The following RCOR1 variants were observed in gnomAD, a reference collection of about 807,000 sequenced individuals.
The protein encoded by RCOR1 is REST corepressor.
In RCOR1, 12 loss-of-function variants were observed where a neutral mutation model predicts 64.0. That is an observed-to-expected ratio of 0.19 (90% CI 0.12 to 0.30). The LOEUF (loss-of-function observed/expected upper bound fraction) is 0.30. RCOR1 is among the 10% of genes least tolerant of loss of function. The probability of loss-of-function intolerance (pLI) is 1.00; values close to 1 mark genes in which losing one functional copy is unlikely to be tolerated. For missense variants in RCOR1, 502 were observed against 621.2 expected (o/e 0.81, Z 2.04); for synonymous variants, 279 against 227.2 (o/e 1.23, Z -2.05).
chr14:102,632,741 TCCCCTC>T (rs1297229601), intron 2 of RCOR1, among the ~76,000 whole-genome samples: 1 of 34,906 alleles, frequency 2.9e-5, no homozygotes, highest in Non-Finnish European at 5.0e-5. Context: ...TCCCCTCCCC[TCCCCTC>T]CCCTCCCCTC....
rs994052929 is a variant in RCOR1, at chr14:102,726,674, C to T, written c.*168C>T. 3.5e-5 allele frequency: 21 copies of T among 603,534 alleles called. No individual in the cohort carries two copies. The highest frequency in any genetic ancestry group is 3.1e-4 in the Admixed American group (9 of 29,380). The allele number at this position is 603,534 out of a possible 1,614,324, so 37.4% of individuals were successfully genotyped here. A position where few individuals can be genotyped will look rare whatever the true frequency, so the allele number is the denominator to read the frequency against. On this transcript the variant is annotated 3_prime_UTR_variant, in exon 12 of 12. Transcript: ENST00000262241. ...GCTCCATCTGCCTTAATTCTTTGCTCGTTCCTCCATGTTGGCGCCACTTCC... is the reference window on the plus strand; with the variant it reads ...GCTCCATCTGCCTTAATTCTTTGCTTGTTCCTCCATGTTGGCGCCACTTCC...
Position 102,711,157 on chromosome 14 carries a change from C to T in RCOR1, c.858+144C>T. On this transcript the variant is annotated intron_variant, in intron 7 of 11. Transcript: ENST00000262241. Reference sequence around the variant, plus strand: ...TATGACTATTTTTCAACAATACTGTCTTTGCTTTATAGATTGTATAATTTT... The same window carrying T: ...TATGACTATTTTTCAACAATACTGTTTTTGCTTTATAGATTGTATAATTTT... The T allele has an allele frequency of 9.9e-6, 6 of 605,216 alleles. No homozygotes were observed. In the South Asian group the frequency reaches 1.4e-4, roughly 14 times the overall value. The allele number at this position is 605,216 out of a possible 1,614,324, so 37.5% of individuals were successfully genotyped here.
intron 2 of RCOR1, among the ~76,000 whole-genome samples, chr14:102,616,114 G>C (rs931794056): frequency 2.0e-5 from 3 of 152,122 alleles, no homozygotes; most frequent in African/African-American, 7.2e-5. Flanking sequence ...AGTTCCTGCA[G>C]ATACCTCCTT....
intron 3 of RCOR1, among the ~76,000 whole-genome samples, chr14:102,689,136 G>C (rs953157296): frequency 6.6e-6 from 1 of 152,192 alleles, no homozygotes; most frequent in Non-Finnish European, 1.5e-5. Context: ...GCGTATTAGA[G>C]TTTAAAATAT....
chr14:102,681,818 A>AT, intron 2 of RCOR1, 77 bp from the exon 3 acceptor site: 1 of 1,043,682 alleles, frequency 9.6e-7, no homozygotes. Context: ...GGGTGATGTC[A>AT]TTAAAAGGTA....
chr14:102,678,743 AC>A (rs960359270), intron 2 of RCOR1, among the ~76,000 whole-genome samples: 7 of 152,226 alleles, frequency 4.6e-5, no homozygotes, highest in African/African-American at 1.7e-4. Flanking sequence ...TTGCATTTAC[AC>A]CAGCAGTGTA....
At chr14:102,697,029 G>A (rs567071730) in intron 3 of RCOR1, among the ~76,000 whole-genome samples, 7 of 152,266 alleles carry the variant, frequency 4.6e-5, no homozygotes, top group African/African-American at 1.7e-4. Flanking sequence ...ATTCTGAAAA[G>A]TATGGCAGCT....
intron 11 of RCOR1, among the ~76,000 whole-genome samples, chr14:102,723,107 G>A (rs1036409934): frequency 6.6e-6 from 1 of 152,238 alleles, no homozygotes; most frequent in African/African-American, 2.4e-5. Context: ...TGAGCCTGGG[G>A]CTGGGCATAA....
intron 2 of RCOR1, among the ~76,000 whole-genome samples, chr14:102,678,622 A>C (rs142033950): frequency 1.3e-5 from 2 of 152,218 alleles, no homozygotes; most frequent in African/African-American, 4.8e-5. Context: ...AACATATGCT[A>C]ATTCTGTAGG....
intron 2 of RCOR1, among the ~76,000 whole-genome samples, chr14:102,673,359 C>T (rs1288614272): frequency 7.2e-6 from 1 of 139,302 alleles, no homozygotes; most frequent in African/African-American, 2.7e-5. Context: ...TTTTTTAAGA[C>T]AGAGTCTCCC....
chr14:102,631,473 G>T (rs1327143155), intron 2 of RCOR1, among the ~76,000 whole-genome samples: 1 of 152,042 alleles, frequency 6.6e-6, no homozygotes, highest in Non-Finnish European at 1.5e-5. Context: ...AAAGTGCTGG[G>T]ATTACAGGTG....
intron 2 of RCOR1, among the ~76,000 whole-genome samples, chr14:102,669,224 G>A (rs1165222128): frequency 6.6e-6 from 1 of 151,260 alleles, no homozygotes; most frequent in African/African-American, 2.4e-5. Context: ...CAGGAGAATC[G>A]CTTGAACCCA....
Position 102,614,351 on chromosome 14 carries a change from A to T in RCOR1, c.361+21026A>T, listed in dbSNP as rs563400319. Among the ~76,000 whole-genome samples, 179 of 150,508 alleles carry T rather than the reference A, an allele frequency of 1.2e-3. 1 individual carries two copies. The highest frequency in any genetic ancestry group is 4.2e-3 in the African/African-American group (171 of 40,874). On this transcript the variant is annotated intron_variant, in intron 2 of 11. Transcript: ENST00000262241. ...TCCATTCTCCTGCCTCAGCCCCCCG[A>T]GTAGCTGGGACTACAGGCACCCGCC...
Position 102,710,990 on chromosome 14 carries a change from C to A in RCOR1, c.835C>A (p.Gln279Lys), listed in dbSNP as rs751475775. 6.2e-7 allele frequency: 1 copy of A among 1,606,400 alleles called. No individual in the cohort carries two copies. Among genetic ancestry groups the A allele is most frequent in the East Asian group, 2.2e-5 (1 of 44,470 alleles). ...GNNPIDIEVD[Q>K]NKESKKEVPP... ...CAATCCCATTGACATTGAGGTTGAT[C>A]AAAACAAGGAAAGCAAAAAGGAGGT... Residue 279 changes from glutamine to lysine, a missense_variant, in exon 7 of 12, where the codon CAA (glutamine) becomes AAA (lysine). Gln to Lys is a moderately conservative substitution (Grantham distance 53, BLOSUM62 1). Transcript: ENST00000262241.
At chr14:102,692,378 A>G (rs556318939) in intron 3 of RCOR1, among the ~76,000 whole-genome samples, 2 of 151,838 alleles carry the variant, frequency 1.3e-5, no homozygotes, top group African/African-American at 2.4e-5. Flanking sequence ...CACTTGCTGA[A>G]TGTTTAAGAG....
At position 102,621,135 on chromosome 14, in the gene RCOR1, A is replaced by G. The variant is rs76867342; in HGVS notation, c.361+27810A>G. Among the ~76,000 whole-genome samples the G allele has an allele frequency of 3.7e-3, 559 of 152,218 alleles. 1 individual carries two copies. The highest frequency in any genetic ancestry group is 6.9e-3 in the Non-Finnish European group (467 of 68,002). On this transcript the variant is annotated intron_variant, in intron 2 of 11. Transcript: ENST00000262241. ...CAGGTGTGCACCACCATGCCCAGCT[A>G]GTTTTTTAGAATTTTTTGTAGAGAC...
intron 11 of RCOR1, among the ~76,000 whole-genome samples, chr14:102,724,315 C>T (rs998945841): frequency 3.3e-5 from 5 of 151,936 alleles, no homozygotes; most frequent in Non-Finnish European, 7.4e-5. Flanking sequence ...AAATGTACCC[C>T]CTCATACCTT....
chr14:102,703,768 A>G (rs530371189), intron 4 of RCOR1, among the ~76,000 whole-genome samples: 1 of 152,350 alleles, frequency 6.6e-6, no homozygotes, highest in East Asian at 1.9e-4. Flanking sequence ...GAATAAAAAA[A>G]GTTCCTGGGG....
chr14:102,617,079 C>G (rs1402616559), intron 2 of RCOR1, among the ~76,000 whole-genome samples: 1 of 152,060 alleles, frequency 6.6e-6, no homozygotes, highest in Non-Finnish European at 1.5e-5. Flanking sequence ...TTATTAAGAG[C>G]AAATAGTGAT....
Sources: allele counts gnomAD v4.1 joint callset (sites outside exome capture counted in the v4.1 genomes callset), GRCh38; gene constraint gnomAD v4.1.1; transcripts MANE v1.5; gene names NCBI Gene and HGNC (gene_info 2026-07-23, HGNC 2026-07-21).